ATP10A: variants seen among roughly 807,000 people sequenced by gnomAD.
ATP10A encodes the protein phospholipid-transporting ATPase VA.
Under a neutral mutation model 147.8 loss-of-function variants are expected in ATP10A, and 111 were observed. That is an observed-to-expected ratio of 0.75 (90% confidence interval 0.64 to 0.88). The LOEUF is 0.88. ATP10A is among the 40% of genes least tolerant of loss of function. ATP10A has a pLI of 0.00. For missense variants in ATP10A, 1,927 were observed against 1,959.0 expected, an observed-to-expected ratio of 0.98 and a Z score of 0.31; for synonymous variants, 875 against 841.6, an observed-to-expected ratio of 1.04 and a Z score of -0.69.
chr15:25,721,993 G>C, intron 6 of ATP10A, 84 bp from the exon 7 acceptor site: 1 of 1,419,652 alleles, frequency 7.0e-7, no homozygotes, highest in Non-Finnish European at 9.7e-7. Flanking sequence ...AATAACAAAT[G>C]ACTACAACCG....
In ATP10A at chr15:25,697,656, G is replaced by C. The variant is rs118149692; in HGVS notation, c.2761-2510C>G. On this transcript the variant is annotated intron_variant, in intron 13 of 20. Coordinates refer to ENST00000555815, the MANE Select transcript of ATP10A (RefSeq NM_024490.4). ...AGAAATACATTAACTGAAATAAAAA[G>C]CTCACTGGATTCTAAATCATCTATG... Among the ~76,000 whole-genome samples, 383 of 152,286 alleles carry C rather than the reference G, an allele frequency of 2.5e-3. 3 individuals carry two copies. Among genetic ancestry groups the C allele is most frequent in the Non-Finnish European group, 1.7e-3 (116 of 68,020 alleles).
rs1056399120 is a variant in ATP10A, at chr15:25,683,234, C to A, written c.3492+52G>T. The stretch of plus-strand genomic sequence containing the variant: ...GGGACTGGCACTTTGGAAGAGTGAA[C>A]GTGGAGGGCAGAGCTCAGGAGGTGG... On this transcript the variant is annotated intron_variant, in intron 17 of 20. Coordinates refer to ENST00000555815, the MANE Select transcript of ATP10A (RefSeq NM_024490.4). 1.9e-6 allele frequency: 3 copies of A among 1,552,790 alleles called. No homozygotes were observed. In the Admixed American group the frequency reaches 5.1e-5, roughly 26 times the overall value.
chr15:25,693,338 A>T (rs1900137487), intron 14 of ATP10A, among the ~76,000 whole-genome samples: 1 of 152,110 alleles, frequency 6.6e-6, no homozygotes, highest in Non-Finnish European at 1.5e-5. Flanking sequence ...TGATGTTCTT[A>T]TGGGTCATTA....
At chr15:25,785,005 G>T (rs368256391) in intron 1 of ATP10A, among the ~76,000 whole-genome samples, 1 of 151,926 alleles carries the variant, frequency 6.6e-6, no homozygotes, top group African/African-American at 2.4e-5. Context: ...TCAGATTCAG[G>T]AGCCCCTTAT....
At chr15:25,779,929 G>C (rs1207859971) in intron 2 of ATP10A, among the ~76,000 whole-genome samples, 1 of 151,904 alleles carries the variant, frequency 6.6e-6, no homozygotes, top group African/African-American at 2.4e-5. Flanking sequence ...GGTTGGAACA[G>C]TCAGGCAGAC....
intron 1 of ATP10A, among the ~76,000 whole-genome samples, chr15:25,802,235 C>A (rs555020153): frequency 6.6e-6 from 1 of 152,188 alleles, no homozygotes; most frequent in Non-Finnish European, 1.5e-5. Flanking sequence ...CAGCACAGAC[C>A]GAGCTGTTCT....
chr15:25,832,219 G>A (rs939484221), intron 1 of ATP10A, among the ~76,000 whole-genome samples: 1 of 152,208 alleles, frequency 6.6e-6, no homozygotes, highest in African/African-American at 2.4e-5. Flanking sequence ...ACAGGAGCAC[G>A]GCCCTGCCCA....
intron 13 of ATP10A, among the ~76,000 whole-genome samples, chr15:25,698,611 T>C (rs1900486535): frequency 2.0e-5 from 3 of 152,156 alleles, no homozygotes; most frequent in Non-Finnish European, 1.5e-5. Flanking sequence ...CATGGAGGGA[T>C]TGGTATCCCT....
At chr15:25,741,509 G>A (rs1887582166) in intron 2 of ATP10A, among the ~76,000 whole-genome samples, 2 of 152,360 alleles carry the variant, frequency 1.3e-5, no homozygotes, top group Non-Finnish European at 1.5e-5. Context: ...CATGGGTAAA[G>A]AATGCCTTCA....
chr15:25,789,435 G>A (rs1031144988), intron 1 of ATP10A, among the ~76,000 whole-genome samples: 2 of 152,126 alleles, frequency 1.3e-5, no homozygotes, highest in African/African-American at 2.4e-5. Flanking sequence ...AGTGAGGCGA[G>A]CCCTAAATGG....
At chr15:25,747,687 A>G (rs916409772) in intron 2 of ATP10A, among the ~76,000 whole-genome samples, 1 of 152,174 alleles carries the variant, frequency 6.6e-6, no homozygotes, top group Admixed American at 6.5e-5. Context: ...TAGAGTAGAA[A>G]AAAACCCAGC....
chr15:25,739,798 A>G (rs1170881575), intron 2 of ATP10A, among the ~76,000 whole-genome samples: 4 of 152,240 alleles, frequency 2.6e-5, no homozygotes, highest in African/African-American at 9.6e-5. Context: ...TGTCTTACAG[A>G]TATTTCTGAA....
chr15:25,842,161 T>C lies in ATP10A; in HGVS notation c.449+20487A>G, dbSNP rs538845542. On this transcript the variant is annotated intron_variant, in intron 1 of 20. Coordinates refer to ENST00000555815, the MANE Select transcript of ATP10A (RefSeq NM_024490.4). ...ACAGCAGCATCAGGCTGTCCACTGGTGGCTTGGGTGTGGAGCGGGCCTTGG... is the reference window on the plus strand; with the variant it reads ...ACAGCAGCATCAGGCTGTCCACTGGCGGCTTGGGTGTGGAGCGGGCCTTGG... 9.8e-5 allele frequency among the ~76,000 whole-genome samples: 15 copies of C among 152,330 alleles called. No homozygotes were observed. In the East Asian group the frequency reaches 2.9e-3, roughly 29 times the overall value.
intron 2 of ATP10A, among the ~76,000 whole-genome samples, chr15:25,754,095 T>C (rs1056663021): frequency 1.3e-5 from 2 of 152,136 alleles, no homozygotes; most frequent in African/African-American, 4.8e-5. Flanking sequence ...CCACTGTGCA[T>C]TCATGTGCTG....
chr15:25,863,465 C>G (rs192535162), upstream of ATP10A, among the ~76,000 whole-genome samples: 91 of 152,316 alleles, frequency 6.0e-4, 1 homozygote, highest in East Asian at 0.017. Flanking sequence ...AAAAAAAGCC[C>G]GAGCTGGAAA....
intron 1 of ATP10A, among the ~76,000 whole-genome samples, chr15:25,846,614 CTGGA>C (rs200149550): frequency 0.019 from 2,820 of 152,304 alleles, 51 homozygotes; most frequent in African/African-American, 0.046. Flanking sequence ...CTAAACATCC[CTGGA>C]TAAAAGAGAC....
intron 1 of ATP10A, among the ~76,000 whole-genome samples, chr15:25,826,379 G>C (rs534643777): frequency 6.6e-6 from 1 of 152,236 alleles, no homozygotes; most frequent in South Asian, 2.1e-4. Flanking sequence ...GAGCAACATG[G>C]CAAAATCCCA....
chr15:25,777,091 A>ACATG (rs1555468149), intron 2 of ATP10A, among the ~76,000 whole-genome samples: 2 of 83,826 alleles, frequency 2.4e-5, no homozygotes, highest in Admixed American at 2.8e-4. Flanking sequence ...GTGTGTGCAT[A>ACATG]CGTGCGTGTG....
intron 14 of ATP10A, among the ~76,000 whole-genome samples, chr15:25,694,432 C>G (rs1900200012): frequency 6.6e-6 from 1 of 152,290 alleles, no homozygotes; most frequent in South Asian, 2.1e-4. Flanking sequence ...TCATGGTGAC[C>G]AGAAGCAGCT....
Sources: gnomAD v4.1 joint callset for allele counts (sites outside exome capture counted in the v4.1 genomes callset) on GRCh38, gnomAD v4.1.1 for gene constraint, MANE v1.5 for transcripts, NCBI Gene and HGNC (gene_info 2026-07-23, HGNC 2026-07-21) for gene names.